ZNF804B: variants seen among roughly 807,000 people sequenced by gnomAD.
ZNF804B encodes the protein zinc finger protein 804B.
ZNF804B carries 80 observed loss-of-function variants against 101.4 expected under a neutral mutation model. The ratio of observed to expected loss-of-function variants is 0.79; its 90% CI spans 0.66 to 0.95. ZNF804B has a LOEUF of 0.95. Ranked by LOEUF, ZNF804B falls within the 40% of genes least tolerant of loss-of-function variation. ZNF804B has a pLI of 0.00. For synonymous variants in ZNF804B, 622 were observed against 558.8 expected (o/e 1.11, Z -1.59); for missense variants, 1,673 against 1,561.9 (o/e 1.07, Z -1.20).
chr7:89,327,311 A>G (rs746637731), intron 2 of ZNF804B, 33 bp from the exon 3 acceptor site: 1 of 1,558,968 alleles, frequency 6.4e-7, no homozygotes, highest in East Asian at 2.3e-5. Context: ...TTATTTATTT[A>G]TAGTACCTTT....
intron 1 of ZNF804B, among the ~76,000 whole-genome samples, chr7:89,026,345 A>G (rs1788751191): frequency 6.6e-6 from 1 of 152,296 alleles, no homozygotes; most frequent in African/African-American, 2.4e-5. Flanking sequence ...TGTATCAGAG[A>G]CAGCATGGAA....
At chr7:89,276,408 C>T (rs565177825) in intron 2 of ZNF804B, among the ~76,000 whole-genome samples, 4 of 151,918 alleles carry the variant, frequency 2.6e-5, no homozygotes, top group South Asian at 4.1e-4. Flanking sequence ...TTTAGTGTTA[C>T]ACTGGTTCAG....
intron 1 of ZNF804B, among the ~76,000 whole-genome samples, chr7:89,082,357 A>G (rs553601006): frequency 2.6e-5 from 4 of 151,706 alleles, no homozygotes; most frequent in Admixed American, 6.6e-5. Flanking sequence ...GGTTATAAGC[A>G]TTTCTTATCT....
At position 89,038,436 on chromosome 7, in the gene ZNF804B, A is replaced by G. The variant is rs528006072; in HGVS notation, c.109-179719A>G. ...TTAGTAATGTTAAGCATCTTTTAAC[A>G]TATCTATTGGCCATCTGTATGTATT... On this transcript the variant is annotated intron_variant, in intron 1 of 3. Coordinates refer to ENST00000333190, the MANE Select transcript of ZNF804B (RefSeq NM_181646.5). Among the ~76,000 whole-genome samples, 7 of 152,266 alleles carry G rather than the reference A, an allele frequency of 4.6e-5. No homozygotes were observed. The East Asian group carries it at 7.7e-4, about 17-fold the overall frequency.
chr7:89,227,993 A>G (rs1485163688), intron 2 of ZNF804B, among the ~76,000 whole-genome samples: 4 of 152,204 alleles, frequency 2.6e-5, no homozygotes, highest in Admixed American at 2.0e-4. Flanking sequence ...TAAAAGACAA[A>G]GACTGTCATA....
intron 1 of ZNF804B, among the ~76,000 whole-genome samples, chr7:89,120,573 G>A (rs1790388159): frequency 2.1e-5 from 3 of 144,584 alleles, no homozygotes; most frequent in Non-Finnish European, 3.0e-5. Flanking sequence ...CAGGAGAATG[G>A]CGTGAACCCG....
chr7:88,871,541 C>T (rs889041384), intron 1 of ZNF804B, among the ~76,000 whole-genome samples: 2 of 151,934 alleles, frequency 1.3e-5, no homozygotes, highest in African/African-American at 4.8e-5. Flanking sequence ...AGAATAATTA[C>T]ACTATACTTT....
chr7:89,325,751 A>C (rs1790886787), intron 2 of ZNF804B, among the ~76,000 whole-genome samples: 1 of 151,980 alleles, frequency 6.6e-6, no homozygotes. Flanking sequence ...ATATTAAATA[A>C]GTATAATATG....
chr7:89,298,038 T>A (rs1015562025), intron 2 of ZNF804B, among the ~76,000 whole-genome samples: 1 of 146,664 alleles, frequency 6.8e-6, no homozygotes, highest in Non-Finnish European at 1.5e-5. Context: ...TATGCCCATA[T>A]GTCTGCAGTT....
At chr7:88,907,666 G>A (rs1792493936) in intron 1 of ZNF804B, among the ~76,000 whole-genome samples, 1 of 151,898 alleles carries the variant, frequency 6.6e-6, no homozygotes, top group African/African-American at 2.4e-5. Context: ...GTAAGTGGTA[G>A]AGGCAACATT....
At chr7:89,022,123 G>A (rs1178008508) in intron 1 of ZNF804B, among the ~76,000 whole-genome samples, 1 of 152,110 alleles carries the variant, frequency 6.6e-6, no homozygotes, top group Admixed American at 6.6e-5. Context: ...CAGGATAGTA[G>A]AGGCAGGATG....
At chr7:89,244,378 T>C (rs773331820) in intron 2 of ZNF804B, among the ~76,000 whole-genome samples, 2 of 152,106 alleles carry the variant, frequency 1.3e-5, no homozygotes, top group African/African-American at 4.8e-5. Flanking sequence ...TTGTATACTT[T>C]AATATTACGA....
chr7:89,077,600 G>GTAC (rs1317694655), intron 1 of ZNF804B, among the ~76,000 whole-genome samples: 1 of 152,062 alleles, frequency 6.6e-6, no homozygotes, highest in Admixed American at 6.6e-5. Flanking sequence ...TTCTGCTCAA[G>GTAC]TTCAAAAGAT....
intron 1 of ZNF804B, among the ~76,000 whole-genome samples, chr7:88,889,574 G>A (rs2115926667): frequency 6.6e-6 from 1 of 152,154 alleles, no homozygotes; most frequent in East Asian, 1.9e-4. Context: ...ATGTTTGTTG[G>A]CCATTTGTAT....
At chr7:88,856,976 A>T (rs1791570467) in intron 1 of ZNF804B, among the ~76,000 whole-genome samples, 1 of 152,156 alleles carries the variant, frequency 6.6e-6, no homozygotes, top group Admixed American at 6.5e-5. Flanking sequence ...CATGGTGGAT[A>T]AGCTTTTTGA....
At chr7:89,003,230 C>T (rs1396285626) in intron 1 of ZNF804B, among the ~76,000 whole-genome samples, 1 of 151,844 alleles carries the variant, frequency 6.6e-6, no homozygotes, top group Non-Finnish European at 1.5e-5. Context: ...TAGGAGGCAG[C>T]AATGTAACAG....
At chr7:89,169,023 A>G (rs1287969982) in intron 1 of ZNF804B, among the ~76,000 whole-genome samples, 4 of 152,130 alleles carry the variant, frequency 2.6e-5, no homozygotes. Flanking sequence ...GTCAAAGAAG[A>G]GAACCGTGGA....
intron 1 of ZNF804B, among the ~76,000 whole-genome samples, chr7:89,078,127 G>A (rs1021920243): frequency 6.6e-6 from 1 of 152,058 alleles, no homozygotes; most frequent in Admixed American, 6.6e-5. Context: ...TAATGGGATA[G>A]TGAGCTCCAT....
chr7:88,987,856 C>G (rs565289350), intron 1 of ZNF804B, among the ~76,000 whole-genome samples: 1 of 152,050 alleles, frequency 6.6e-6, no homozygotes, highest in East Asian at 1.9e-4. Flanking sequence ...GGATCTTATT[C>G]GTTGTAACTG....
Sources: allele counts gnomAD v4.1 joint callset (sites outside exome capture counted in the v4.1 genomes callset), GRCh38; gene constraint gnomAD v4.1.1; transcripts MANE v1.5; gene names NCBI Gene and HGNC (gene_info 2026-07-23, HGNC 2026-07-21).